Variants in HPS1 observed in about 807,000 individuals in gnomAD.
HPS1 encodes the protein HPS1 biogenesis of lysosomal organelles complex 3 subunit 1.
Under a neutral mutation model 90.6 loss-of-function variants are expected in HPS1, and 59 were observed. The ratio of observed to expected loss-of-function variants is 0.65; its 90% CI spans 0.53 to 0.81. HPS1 has a LOEUF of 0.81. Ranked by LOEUF, HPS1 falls within the 30% of genes least tolerant of loss-of-function variation. The pLI, the probability that HPS1 is intolerant of heterozygous loss-of-function variation, is 0.00. For synonymous variants in HPS1, 388 were observed against 384.4 expected (o/e 1.01, Z -0.11); for missense variants, 849 against 896.7 (o/e 0.95, Z 0.68).
At chr10:98,415,213 AG>A, downstream of HPS1, 17 of 1,526,372 alleles carry the variant, frequency 1.1e-5, no homozygotes, top group Non-Finnish European at 1.5e-5. Flanking sequence ...CACGGGGTGG[AG>A]CAGGGAGGAA....
rs748197843 is a variant in HPS1 at position 98,422,420 on chromosome 10, C to G, written c.1692G>C (p.Lys564Asn). The change falls in exon 17 of 20, where the codon AAG (lysine) becomes AAC (asparagine). Residue 564 changes from lysine (K) to asparagine (N), a missense_variant. Lys to Asn is a moderately conservative substitution (Grantham distance 94, BLOSUM62 0). Transcript: ENST00000361490. ...MVAPSLNCSQ[K>N]TSSELGKGPL... ...GCCCCTTGCCCAACTCCGACGAGGT[C>G]TTTTGACTGCAGTTGAGGGAAGGCG... 1 of 1,613,376 alleles carries G rather than the reference C, an allele frequency of 6.2e-7. No individual in the cohort carries two copies. Among genetic ancestry groups the G allele is most frequent in the South Asian group, 1.1e-5 (1 of 91,074 alleles).
At chr10:98,427,346 A>T in intron 10 of HPS1, 82 bp from the exon 11 acceptor site, 1 of 1,221,956 alleles carries the variant, frequency 8.2e-7, no homozygotes, top group Non-Finnish European at 1.2e-6. Context: ...TAGGGGGCCC[A>T]GGTGCCCCCC....
At chr10:98,428,989 C>G (rs1845990160) in intron 10 of HPS1, among the ~76,000 whole-genome samples, 1 of 151,912 alleles carries the variant, frequency 6.6e-6, no homozygotes, top group Non-Finnish European at 1.5e-5. Flanking sequence ...TTACAGGCGC[C>G]TGCCACCAGA....
downstream of HPS1, chr10:98,415,166 G>A (rs2296437): frequency 6.2e-7 from 1 of 1,605,968 alleles, no homozygotes; most frequent in African/African-American, 1.3e-5. Flanking sequence ...TGCTAGGCAG[G>A]GAGTTTGCTA....
chr10:98,420,985 C>T (rs1341140228), intron 17 of HPS1, among the ~76,000 whole-genome samples: 2 of 152,206 alleles, frequency 1.3e-5, no homozygotes, highest in East Asian at 1.9e-4. Flanking sequence ...TGAGAAACCA[C>T]GTGCCTTAGC....
chr10:98,437,825 C>G (rs1167367516), intron 3 of HPS1, among the ~76,000 whole-genome samples: 1 of 152,162 alleles, frequency 6.6e-6, no homozygotes, highest in Non-Finnish European at 1.5e-5. Flanking sequence ...CTTTGTGTCC[C>G]CATCAAATCT....
chr10:98,423,262 C>T (rs1263139146), intron 16 of HPS1, among the ~76,000 whole-genome samples: 1 of 149,598 alleles, frequency 6.7e-6, no homozygotes, highest in Admixed American at 6.7e-5. Context: ...CCCTTTCAAC[C>T]AAACTAGACC....
rs185096671 is a variant in HPS1 at position 98,446,636 on chromosome 10, C to A, written c.-106+171G>T. On this transcript the variant is annotated intron_variant, in intron 1 of 19. Coordinates refer to ENST00000361490, the MANE Select transcript of HPS1 (RefSeq NM_000195.5). ...TTCACCCCAAATCCCCACCTCCCCCCACCCCCGAACCTCACGGCCACCCTG... is the reference window on the plus strand; with the variant it reads ...TTCACCCCAAATCCCCACCTCCCCCAACCCCCGAACCTCACGGCCACCCTG... Among the ~76,000 whole-genome samples the A allele has an allele frequency of 6.3e-3, 961 of 152,208 alleles. 7 individuals carry two copies. The highest frequency in any genetic ancestry group is 0.021 in the African/African-American group (865 of 41,516).
Position 98,429,661 on chromosome 10 carries a change from C to T in HPS1, c.868-19G>A. ...CTGTCTCCTGGAATGGAGAAGGTGGCTCAGGTTGAGAGGCTCTCCCAGCTG... is the reference window on the plus strand; with the variant it reads ...CTGTCTCCTGGAATGGAGAAGGTGGTTCAGGTTGAGAGGCTCTCCCAGCTG... On this transcript the variant is annotated intron_variant, in intron 9 of 19. Transcript: ENST00000361490. 2 of 1,614,158 alleles carry T rather than the reference C, an allele frequency of 1.2e-6. No individual in the cohort carries two copies. Among genetic ancestry groups the T allele is most frequent in the South Asian group, 2.2e-5 (2 of 91,088 alleles).
In HPS1 at chr10:98,435,331, C is replaced by T; in HGVS notation, c.339G>A (p.Lys113=). Residue 113 remains lysine, a synonymous_variant, in exon 5 of 20, where the codon AAG becomes AAA. Coordinates refer to ENST00000361490, the MANE Select transcript of HPS1 (RefSeq NM_000195.5). This position sits in a 1 kb window ranked among gnomAD's most constrained non-coding sequence, Gnocchi z 4.3. ...GCCCAAAGTGCACTTCAAACAGGTACTTGAGCACATACAGCTTCCGCCGCA... is the reference window on the plus strand; with the variant it reads ...GCCCAAAGTGCACTTCAAACAGGTATTTGAGCACATACAGCTTCCGCCGCA... ...GDLRRKLYVL[K]YLFEVHFGLV... 6.2e-7 allele frequency: 1 copy of T among 1,613,944 alleles called. No homozygotes were observed. The highest frequency in any genetic ancestry group is 8.5e-7 in the Non-Finnish European group (1 of 1,180,010).
chr10:98,423,500 A>G, intron 16 of HPS1, 103 bp downstream of exon 16: 1 of 1,061,824 alleles, frequency 9.4e-7, no homozygotes, highest in Non-Finnish European at 1.5e-6. Flanking sequence ...GGTGGAACAT[A>G]TATCCCCCTT....
intron 2 of HPS1, 33 bp from the exon 3 acceptor site, chr10:98,443,273 C>G: frequency 6.7e-7 from 1 of 1,497,718 alleles, no homozygotes; most frequent in Non-Finnish European, 9.3e-7. Context: ...AGGTCAGCCT[C>G]CAGCCCCAAC....
downstream of HPS1, chr10:98,414,874 C>G (rs12253431): frequency 2.7e-3 from 3,515 of 1,314,542 alleles, 60 homozygotes; most frequent in African/African-American, 0.044. Context: ...CCCCTGCTAG[C>G]GTATAAACTT....
At position 98,427,261 on chromosome 10, in the gene HPS1, C is replaced by T; in HGVS notation, c.941G>A (p.Ser314Asn). ...APSPGDQSSG[S>N]TIWLEGGTPP... ...GGTGCCCCCCTCCAGCCAGATGGTGCTACCTGCAGGCCACAGGTAATAACA... is the reference window on the plus strand; with the variant it reads ...GGTGCCCCCCTCCAGCCAGATGGTGTTACCTGCAGGCCACAGGTAATAACA... The change falls in exon 11 of 20, where the codon AGC (serine) becomes AAC (asparagine). Residue 314 changes from serine to asparagine, a missense_variant. Ser to Asn is a conservative substitution (Grantham distance 46, BLOSUM62 1). Transcript: ENST00000361490. The T allele has an allele frequency of 6.4e-7, 1 of 1,551,050 alleles. No individual in the cohort carries two copies. Among genetic ancestry groups the T allele is most frequent in the Non-Finnish European group, 8.7e-7 (1 of 1,146,524 alleles).
At chr10:98,431,069 G>A (rs1846379492) in intron 7 of HPS1, 62 bp downstream of exon 7, 1 of 1,553,690 alleles carries the variant, frequency 6.4e-7, no homozygotes, top group Non-Finnish European at 8.8e-7. Context: ...TCAGGCAGAG[G>A]CCATAGGGGA....
At chr10:98,434,154 C>A in intron 5 of HPS1, 63 bp from the exon 6 acceptor site, 1 of 1,482,470 alleles carries the variant, frequency 6.7e-7, no homozygotes, top group Non-Finnish European at 9.1e-7. Flanking sequence ...CCACACCCAA[C>A]CAAAGGACCA....
intron 16 of HPS1, among the ~76,000 whole-genome samples, chr10:98,423,285 C>CCT (rs144498020): frequency 2.0e-5 from 3 of 150,218 alleles, no homozygotes; most frequent in African/African-American, 5.0e-5. Flanking sequence ...AGGAACCCCC[C>CCT]CCCCGGTCCC....
At position 98,435,869 on chromosome 10, in the gene HPS1, G is replaced by A; in HGVS notation, c.118-97C>T. The A allele has an allele frequency of 6.7e-7, 1 of 1,493,140 alleles. No homozygotes were observed. The allele number at this position is 1,493,140 out of a possible 1,614,324, so 92.5% of individuals were successfully genotyped here. On this transcript the variant is annotated intron_variant, in intron 3 of 19. Transcript: ENST00000361490. The surrounding 1 kb of genome is among the most constrained non-coding windows in gnomAD (Gnocchi z 4.3). The stretch of plus-strand genomic sequence containing the variant: ...AGGCCTTGATATCAAGGGTTCCATA[G>A]TGTTAGACCCTCCTGGGAGGGTATC...
chr10:98,442,675 T>G, intron 3 of HPS1: 1 of 247,690 alleles, frequency 4.0e-6, no homozygotes, highest in South Asian at 5.0e-5. Context: ...CTGGCTAATT[T>G]TTGTATTTTT....
Sources: allele counts gnomAD v4.1 joint callset (sites outside exome capture counted in the v4.1 genomes callset), GRCh38; gene constraint gnomAD v4.1.1; non-coding constraint Gnocchi (gnomAD v3.1); transcripts MANE v1.5; gene names NCBI Gene and HGNC (gene_info 2026-07-23, HGNC 2026-07-21).